Variants in STK33 observed in about 807,000 individuals in gnomAD.
STK33 encodes serine/threonine-protein kinase 33.
In STK33, 52 loss-of-function variants were observed where a neutral mutation model predicts 58.0. That is an observed-to-expected ratio of 0.90 (90% confidence interval 0.72 to 1.13). STK33 has a LOEUF of 1.13. Among genes scored for constraint, STK33 ranks in the 50% most tolerant of loss-of-function variants. The pLI, the probability that STK33 is intolerant of heterozygous loss-of-function variation, is 0.00. For synonymous variants in STK33, 215 were observed against 200.1 expected (o/e 1.07, Z -0.63); for missense variants, 630 against 604.2 (o/e 1.04, Z -0.45).
intron 15 of STK33, among the ~76,000 whole-genome samples, chr11:8,393,137 T>G (rs1172997994): frequency 6.6e-6 from 1 of 152,204 alleles, no homozygotes; most frequent in East Asian, 1.9e-4. Flanking sequence ...AGGCCCACAC[T>G]CACATCCCCA....
chr11:8,420,456 C>G (rs1251364570), intron 14 of STK33, among the ~76,000 whole-genome samples: 1 of 152,156 alleles, frequency 6.6e-6, no homozygotes, highest in African/African-American at 2.4e-5. Flanking sequence ...AAGTGCATTT[C>G]GAATTGCCTG....
chr11:8,560,587 T>C (rs11041984), intron 1 of STK33, among the ~76,000 whole-genome samples: 4,546 of 152,284 alleles, frequency 0.03, 77 homozygotes, highest in African/African-American at 0.053. Context: ...ATTAATCTTT[T>C]CTTTTGTGGT....
At chr11:8,482,854 C>T (rs1949924131) in intron 1 of STK33, among the ~76,000 whole-genome samples, 1 of 151,936 alleles carries the variant, frequency 6.6e-6, no homozygotes, top group Non-Finnish European at 1.5e-5. Flanking sequence ...CTCAGCCTCC[C>T]GAGTAGCTGG....
intron 6 of STK33, 110 bp downstream of exon 6, chr11:8,473,053 T>C (rs1463781260): frequency 1.5e-6 from 1 of 660,688 alleles, no homozygotes; most frequent in South Asian, 2.6e-5. Context: ...CATTTCCTCT[T>C]TTCTTTACTT....
At chr11:8,443,921 C>T (rs1945083735) in intron 11 of STK33, among the ~76,000 whole-genome samples, 1 of 152,084 alleles carries the variant, frequency 6.6e-6, no homozygotes, top group Non-Finnish European at 1.5e-5. Context: ...GTGGGAGGAA[C>T]GTTTGAGCCT....
At chr11:8,459,496 C>G (rs1012975263) in intron 8 of STK33, among the ~76,000 whole-genome samples, 1 of 152,100 alleles carries the variant, frequency 6.6e-6, no homozygotes, top group East Asian at 1.9e-4. Context: ...GACTTATCTT[C>G]CTACCTGAAA....
chr11:8,429,654 C>T (rs1943179250), intron 14 of STK33, among the ~76,000 whole-genome samples: 1 of 152,128 alleles, frequency 6.6e-6, no homozygotes, highest in Non-Finnish European at 1.5e-5. Flanking sequence ...CACACTGTTG[C>T]CAGATAACTC....
intron 1 of STK33, among the ~76,000 whole-genome samples, chr11:8,482,679 A>G (rs1949903085): frequency 6.6e-6 from 1 of 152,048 alleles, no homozygotes; most frequent in Non-Finnish European, 1.5e-5. Context: ...CCTGTATGTA[A>G]AGCAAAGATA....
chr11:8,350,252 A>C, the STK33 span, among the ~76,000 whole-genome samples: 7 of 152,336 alleles, frequency 4.6e-5, no homozygotes, highest in African/African-American at 1.7e-4. Context: ...ATGCAGGGGC[A>C]GGAGCAGGGC....
intron 1 of STK33, among the ~76,000 whole-genome samples, chr11:8,515,869 G>A (rs891119960): frequency 2.0e-5 from 3 of 152,092 alleles, no homozygotes; most frequent in Admixed American, 6.6e-5. Context: ...TATATGAAAA[G>A]CCCATAGTTA....
At chr11:8,450,473 T>G (rs1342210425) in intron 11 of STK33, among the ~76,000 whole-genome samples, 2 of 151,996 alleles carry the variant, frequency 1.3e-5, no homozygotes, top group Non-Finnish European at 2.9e-5. Context: ...GGTTGATAGG[T>G]GCAGCAAACC....
chr11:8,546,956 C>A (rs112242706), intron 1 of STK33, among the ~76,000 whole-genome samples: 3,190 of 152,172 alleles, frequency 0.021, 122 homozygotes, highest in African/African-American at 0.074. Flanking sequence ...CTGGATCATA[C>A]GGTAGACTAT....
At chr11:8,369,160 TGA>T in the STK33 span, among the ~76,000 whole-genome samples, 1 of 152,228 alleles carries the variant, frequency 6.6e-6, no homozygotes, top group African/African-American at 2.4e-5. Context: ...TCATATTCAT[TGA>T]GAGAGAAAGA....
the STK33 span, among the ~76,000 whole-genome samples, chr11:8,343,209 G>A: frequency 5.9e-5 from 9 of 152,262 alleles, no homozygotes; most frequent in Non-Finnish European, 4.4e-5. Flanking sequence ...GCGCCTGTCT[G>A]GCCACTCTGG....
intron 1 of STK33, among the ~76,000 whole-genome samples, chr11:8,545,418 G>A (rs969226136): frequency 5.3e-5 from 8 of 152,014 alleles, no homozygotes; most frequent in Admixed American, 2.0e-4. Context: ...TGGGCAAAAC[G>A]AAATATAAAT....
the STK33 span, among the ~76,000 whole-genome samples, chr11:8,382,903 G>C: frequency 6.6e-6 from 1 of 152,114 alleles, no homozygotes; most frequent in Non-Finnish European, 1.5e-5. Context: ...CACACTCTCT[G>C]TTGCTCCCCA....
chr11:8,465,863 G>A (rs1304563127), intron 6 of STK33: 1 of 153,220 alleles, frequency 6.5e-6, no homozygotes, highest in Non-Finnish European at 1.5e-5. Flanking sequence ...GAGGTTTATT[G>A]GATTTACAGT....
chr11:8,493,065 A>G (rs1346605808), intron 1 of STK33, among the ~76,000 whole-genome samples: 1 of 152,238 alleles, frequency 6.6e-6, no homozygotes, highest in Non-Finnish European at 1.5e-5. Context: ...AACAAATTCA[A>G]TAACTAGCAG....
At chr11:8,553,174 A>ATATATATATATATATATATATAGTG (rs1956437157) in intron 1 of STK33, among the ~76,000 whole-genome samples, 1 of 67,834 alleles carries the variant, frequency 1.5e-5, no homozygotes, top group Admixed American at 1.8e-4. Flanking sequence ...TAAAATATAT[A>ATATATATATATATATATATATAGTG]TATATATATA....
Sources: gnomAD v4.1 joint callset for allele counts (sites outside exome capture counted in the v4.1 genomes callset) on GRCh38, gnomAD v4.1.1 for gene constraint, MANE v1.5 for transcripts, NCBI Gene and HGNC (gene_info 2026-07-23, HGNC 2026-07-21) for gene names.